Variants in CADPS2 observed in about 807,000 individuals in gnomAD.
CADPS2 encodes calcium-dependent secretion activator 2.
A neutral mutation model predicts 172.5 loss-of-function variants in CADPS2; 93 were observed. That is an observed-to-expected ratio of 0.54 (90% confidence interval 0.46 to 0.64). The LOEUF is 0.64. CADPS2 is among the 30% of genes least tolerant of loss of function. CADPS2 has a pLI of 0.00. For missense variants in CADPS2, 1,420 were observed against 1,565.9 expected, an observed-to-expected ratio of 0.91 and a Z score of 1.57; for synonymous variants, 546 against 555.2, an observed-to-expected ratio of 0.98 and a Z score of 0.23.
At chr7:122,847,033 C>T (rs1349230171) in intron 1 of CADPS2, among the ~76,000 whole-genome samples, 1 of 152,182 alleles carries the variant, frequency 6.6e-6, no homozygotes, top group Non-Finnish European at 1.5e-5. Context: ...GTTTGAAAGC[C>T]ACTGCTCTAA....
intron 28 of CADPS2, among the ~76,000 whole-genome samples, chr7:122,332,731 C>T (rs957793086): frequency 1.3e-5 from 2 of 152,072 alleles, no homozygotes; most frequent in African/African-American, 4.8e-5. Context: ...ACAATAAGTT[C>T]GAAAACAGGA....
intron 8 of CADPS2, among the ~76,000 whole-genome samples, chr7:122,540,372 A>C (rs2062788316): frequency 6.6e-6 from 1 of 152,124 alleles, no homozygotes. Context: ...CAAGTTGAAT[A>C]ATCCAATAAA....
chr7:122,615,374 C>A, intron 5 of CADPS2, 75 bp from the exon 6 acceptor site: 1 of 970,988 alleles, frequency 1.0e-6, no homozygotes, highest in Non-Finnish European at 1.5e-6. Context: ...GCAGCATGAA[C>A]TGTAATAAGG....
At chr7:122,552,279 A>G (rs946702821) in intron 8 of CADPS2, among the ~76,000 whole-genome samples, 4 of 152,286 alleles carry the variant, frequency 2.6e-5, no homozygotes, top group African/African-American at 9.6e-5. Context: ...CATTGCTTCA[A>G]TGTATACATC....
At chr7:122,347,971 C>T (rs1353129364) in intron 27 of CADPS2, among the ~76,000 whole-genome samples, 1 of 152,142 alleles carries the variant, frequency 6.6e-6, no homozygotes, top group African/African-American at 2.4e-5. Context: ...CAAGTTAACT[C>T]AGTATCTGAG....
chr7:122,599,052 T>C (rs571972392), intron 6 of CADPS2, among the ~76,000 whole-genome samples: 1 of 152,020 alleles, frequency 6.6e-6, no homozygotes, highest in Admixed American at 6.6e-5. Flanking sequence ...GGGAAAGTAG[T>C]TAGGTGCAGA....
At chr7:122,818,345 A>C (rs1374491178) in intron 1 of CADPS2, among the ~76,000 whole-genome samples, 1 of 152,164 alleles carries the variant, frequency 6.6e-6, no homozygotes, top group African/African-American at 2.4e-5. Flanking sequence ...AGAAAATGGC[A>C]CTTTGAATTT....
intron 8 of CADPS2, among the ~76,000 whole-genome samples, chr7:122,537,029 G>A (rs2062366536): frequency 6.6e-6 from 1 of 151,936 alleles, no homozygotes; most frequent in Non-Finnish European, 1.5e-5. Flanking sequence ...TGAGGGTGGA[G>A]GATGGGAGGA....
chr7:122,743,576 G>C (rs920345082), intron 1 of CADPS2, among the ~76,000 whole-genome samples: 5 of 152,132 alleles, frequency 3.3e-5, no homozygotes, highest in South Asian at 4.1e-4. Context: ...AAACTTGTGG[G>C]TCCCTCCAGG....
chr7:122,670,699 C>T (rs1473259440), intron 2 of CADPS2, among the ~76,000 whole-genome samples: 1 of 151,606 alleles, frequency 6.6e-6, no homozygotes, highest in Non-Finnish European at 1.5e-5. Context: ...CGAGGTTTCA[C>T]CATGTTGATC....
At chr7:122,400,364 G>A (rs1460353615) in intron 20 of CADPS2, among the ~76,000 whole-genome samples, 2 of 152,036 alleles carry the variant, frequency 1.3e-5, no homozygotes, top group Non-Finnish European at 2.9e-5. Flanking sequence ...TTGAATCTGG[G>A]AGGCGGAGGT....
intron 1 of CADPS2, among the ~76,000 whole-genome samples, chr7:122,749,314 G>A (rs898332570): frequency 4.6e-5 from 7 of 152,016 alleles, no homozygotes; most frequent in African/African-American, 1.7e-4. Flanking sequence ...ATAATAATAG[G>A]TGCCTAATAG....
chr7:122,611,311 T>C (rs1392289926), intron 6 of CADPS2, among the ~76,000 whole-genome samples: 3 of 147,666 alleles, frequency 2.0e-5, no homozygotes. Context: ...TTTAGTTAGA[T>C]GGGCTAAGAA....
intron 1 of CADPS2, among the ~76,000 whole-genome samples, chr7:122,866,846 A>AAT (rs1818441665): frequency 6.6e-6 from 1 of 152,154 alleles, no homozygotes; most frequent in Non-Finnish European, 1.5e-5. Context: ...CAGCACACCT[A>AAT]AATTCCGAAC....
chr7:122,428,677 C>T (rs940966093), intron 17 of CADPS2, among the ~76,000 whole-genome samples: 2 of 152,004 alleles, frequency 1.3e-5, no homozygotes, highest in Non-Finnish European at 2.9e-5. Flanking sequence ...CCATGTTGGT[C>T]AGGCTGGTCT....
rs1490676478 is a variant in CADPS2 at position 122,705,981 on chromosome 7, A to T, written c.453+30974T>A. Among the ~76,000 whole-genome samples, 349 of 60,932 alleles carry T rather than the reference A, an allele frequency of 5.7e-3. 45 individuals are homozygous for T. Among genetic ancestry groups the T allele is most frequent in the African/African-American group, 0.026 (343 of 13,216 alleles). 40.0% of individuals were successfully genotyped at this position (60,932 alleles called of 152,430 possible). ...ATATATATAATATAATATAATATAT[A>T]ATATTATATATTATATAATATTTAT... On this transcript the variant is annotated intron_variant, in intron 2 of 29. Coordinates refer to ENST00000449022, the MANE Select transcript of CADPS2 (RefSeq NM_017954.11).
rs1453519413 is a variant in CADPS2 at position 122,698,123 on chromosome 7, T to C, written c.454-34554A>G. The C allele has an allele frequency of 4.3e-6, 7 of 1,613,868 alleles. No homozygotes were observed. The South Asian group carries it at 7.7e-5, about 18-fold the overall frequency. ...CAAGTCAGAATACGAACTATGTCAT[T>C]AGGCTTATAGCGTTCAAAGCAAATT... On this transcript the variant is annotated intron_variant, in intron 2 of 29. Transcript: ENST00000449022.
intron 2 of CADPS2, among the ~76,000 whole-genome samples, chr7:122,703,492 TA>T (rs1431479125): frequency 6.6e-6 from 1 of 152,160 alleles, no homozygotes; most frequent in Non-Finnish European, 1.5e-5. Context: ...GAAAACAGTG[TA>T]AACTCTTATT....
rs145653607 is a variant in CADPS2, at chr7:122,491,583, G to T, written c.1543-163C>A. Among the ~76,000 whole-genome samples, 15 of 152,086 alleles carry T rather than the reference G, an allele frequency of 9.9e-5. No individual in the cohort carries two copies. In the East Asian group the frequency reaches 2.5e-3, roughly 25 times the overall value. On this transcript the variant is annotated intron_variant, in intron 9 of 29. Coordinates refer to ENST00000449022, the MANE Select transcript of CADPS2 (RefSeq NM_017954.11). ...TTCAAAACCTAGCTCAGAGATTCAAGCACCTTTCGTTTGTCAGCTTGCATT... is the reference window on the plus strand; with the variant it reads ...TTCAAAACCTAGCTCAGAGATTCAATCACCTTTCGTTTGTCAGCTTGCATT...
Sources: gnomAD v4.1 joint callset for allele counts (sites outside exome capture counted in the v4.1 genomes callset) on GRCh38, gnomAD v4.1.1 for gene constraint, MANE v1.5 for transcripts, NCBI Gene and HGNC (gene_info 2026-07-23, HGNC 2026-07-21) for gene names.